Variants in PLA2G4C observed in about 807,000 individuals in gnomAD.
The protein encoded by PLA2G4C is cytosolic phospholipase A2 gamma.
Under a neutral mutation model 73.8 loss-of-function variants are expected in PLA2G4C, and 64 were observed. The observed-to-expected ratio is 0.87, with a 90% CI of 0.71 to 1.07. The LOEUF is 1.07. Among genes scored for constraint, PLA2G4C ranks in the 50% least tolerant of loss-of-function variants. PLA2G4C has a pLI of 0.00. For missense variants in PLA2G4C, 622 were observed against 665.4 expected, an observed-to-expected ratio of 0.93 and a Z score of 0.72; for synonymous variants, 254 against 252.1, an observed-to-expected ratio of 1.01 and a Z score of -0.07.
At chr19:48,067,946 C>G in intron 12 of PLA2G4C, 60 bp from the exon 13 acceptor site, 2 of 1,166,816 alleles carry the variant, frequency 1.7e-6, no homozygotes, top group Non-Finnish European at 2.6e-6. Context: ...TTTCTGCCCC[C>G]ACCAAAGTCA....
rs1276305876 is a variant in PLA2G4C at position 48,067,823 on chromosome 19, C to T, written c.1070G>A (p.Trp357Ter). 6.2e-7 allele frequency: 1 copy of T among 1,612,710 alleles called. No homozygotes were observed. The highest frequency in any genetic ancestry group is 8.5e-7 in the Non-Finnish European group (1 of 1,178,698). ...GTACAGGAAGTTGTGAGTGGTCCCC[C>T]ATTCCCACTTTGAAGCGCAAATGCC... ...KTGICASKWEWGTTHNFLYKH... is the reference protein window; with the variant it reads ...KTGICASKWE The change falls in exon 13 of 17, where the codon TGG becomes TAG. Residue 357 changes from tryptophan (W) to a stop codon, truncating the protein, a stop_gained. Transcript: ENST00000599921. LOFTEE classifies it high-confidence loss of function.
intron 13 of PLA2G4C, chr19:48,063,853 G>A (rs1204724077): frequency 6.6e-6 from 1 of 151,680 alleles, no homozygotes; most frequent in Non-Finnish European, 1.5e-5. Flanking sequence ...GCCTTCATCA[G>A]TTACTGGAAA....
In PLA2G4C at chr19:48,053,362, T is replaced by TC. The variant is rs1328110314; in HGVS notation, c.1430-216_1430-215insG. 1.3e-3 allele frequency among the ~76,000 whole-genome samples: 173 copies of TC among 133,174 alleles called. 2 individuals are homozygous for TC. The highest frequency in any genetic ancestry group is 4.5e-3 in the African/African-American group (164 of 36,070). 87.4% of individuals were successfully genotyped at this position (133,174 alleles called of 152,430 possible). A position where few individuals can be genotyped will look rare whatever the true frequency, so the allele number is the denominator to read the frequency against. ...GATCCATGCCCCTTCCGGTCCTTTT[T>TC]TCTTTTTTTTTTTTTTTTTTTTTTG... On this transcript the variant is annotated intron_variant, in intron 15 of 16. Coordinates refer to ENST00000599921, the MANE Select transcript of PLA2G4C (RefSeq NM_003706.3).
intron 10 of PLA2G4C, among the ~76,000 whole-genome samples, chr19:48,082,469 CT>C (rs911990710): frequency 5.1e-5 from 7 of 137,144 alleles, no homozygotes; most frequent in African/African-American, 1.6e-4. Context: ...ATTTTGTCTG[CT>C]TTTTTTTCTT....
chr19:48,077,909 T>C, intron 10 of PLA2G4C, 85 bp from the exon 11 acceptor site: 2 of 1,107,280 alleles, frequency 1.8e-6, no homozygotes, highest in East Asian at 5.4e-5. Context: ...CGACGTCTCT[T>C]TAATAGAAAT....
At position 48,095,581 on chromosome 19, in the gene PLA2G4C, G is replaced by A. The variant is rs1241088630; in HGVS notation, c.592C>T (p.His198Tyr). 1.9e-6 allele frequency: 3 copies of A among 1,614,018 alleles called. No homozygotes were observed. Among genetic ancestry groups the A allele is most frequent in the Admixed American group, 1.7e-5 (1 of 60,002 alleles). Residue 198 changes from histidine to tyrosine, a missense_variant, in exon 7 of 17, where the codon CAC (histidine) becomes TAC (tyrosine). Physicochemically the swap from His to Tyr is moderately conservative, Grantham distance 83. Coordinates refer to ENST00000599921, the MANE Select transcript of PLA2G4C (RefSeq NM_003706.3). ...CCCAGTGCAGAGAAGCCAGCGTGGT[G>A]AGGGGTGAACTCGAACCAGGTCTCT... The part of the protein sequence containing the change: ...APETWFEFTP[H>Y]HAGFSALGAF...
intron 16 of PLA2G4C, 110 bp downstream of exon 16, chr19:48,052,887 G>T: frequency 8.6e-7 from 1 of 1,162,994 alleles, no homozygotes; most frequent in Non-Finnish European, 1.2e-6. Flanking sequence ...GGGAGACACT[G>T]CCTATCTTTT....
At chr19:48,053,271 A>G (rs904062008) in intron 15 of PLA2G4C, 124 bp from the exon 16 acceptor site, 5 of 567,220 alleles carry the variant, frequency 8.8e-6, no homozygotes, top group Non-Finnish European at 1.5e-5. Flanking sequence ...CAGTCGGCCC[A>G]CTACTTTGGC....
Position 48,067,778 on chromosome 19 carries a change from A to AG in PLA2G4C, c.1102+12dup, listed in dbSNP as rs1968494465. The AG allele has an allele frequency of 6.4e-7, 1 of 1,561,110 alleles. No individual in the cohort carries two copies. Among genetic ancestry groups the AG allele is most frequent in the Non-Finnish European group, 8.8e-7 (1 of 1,132,026 alleles). ...AAGGACAGACCAGGGCGGTGGGAAGAGGGTCTTCTCACCGTGTTTGTACAG... is the reference window on the plus strand; with the variant it reads ...AAGGACAGACCAGGGCGGTGGGAAGAGGGGTCTTCTCACCGTGTTTGTACAG... On this transcript the variant is annotated intron_variant, in intron 13 of 16. Coordinates refer to ENST00000599921, the MANE Select transcript of PLA2G4C (RefSeq NM_003706.3).
At chr19:48,060,645 G>A (rs1215660878) in intron 14 of PLA2G4C, among the ~76,000 whole-genome samples, 1 of 152,134 alleles carries the variant, frequency 6.6e-6, no homozygotes, top group Non-Finnish European at 1.5e-5. Flanking sequence ...ATGCAGCAGA[G>A]ATTTGGCAGA....
At chr19:48,058,881 C>A (rs1600157590) in intron 14 of PLA2G4C, among the ~76,000 whole-genome samples, 1 of 151,522 alleles carries the variant, frequency 6.6e-6, no homozygotes, top group Non-Finnish European at 1.5e-5. Flanking sequence ...TCCTTATAAG[C>A]CCCATCATGG....
At position 48,098,272 on chromosome 19, in the gene PLA2G4C, G is replaced by A. The variant is rs768453850; in HGVS notation, c.448-13C>T. 3 of 1,604,004 alleles carry A rather than the reference G, an allele frequency of 1.9e-6. No individual in the cohort carries two copies. The highest frequency in any genetic ancestry group is 2.2e-5 in the South Asian group (2 of 89,692). ...GAGACTCCGGCAGCTTTGGGAGAAG[G>A]TGCCAAGACAGTGTGAGGGAGGCAT... On this transcript the variant is annotated splice_polypyrimidine_tract_variant and intron_variant, in intron 5 of 16. Coordinates refer to ENST00000599921, the MANE Select transcript of PLA2G4C (RefSeq NM_003706.3).
chr19:48,082,989 A>AT (rs529396973), intron 10 of PLA2G4C, among the ~76,000 whole-genome samples: 1 of 149,554 alleles, frequency 6.7e-6, no homozygotes, highest in Non-Finnish European at 1.5e-5. Flanking sequence ...AATTTTTTGT[A>AT]TTTTTTAGTA....
intron 11 of PLA2G4C, among the ~76,000 whole-genome samples, chr19:48,076,753 AAAG>A (rs1045910667): frequency 3.9e-5 from 6 of 151,980 alleles, no homozygotes; most frequent in African/African-American, 1.5e-4. Context: ...CAAAAAAAAA[AAAG>A]AAAAAAGAAA....
intron 4 of PLA2G4C, chr19:48,103,991 C>T (rs1227189230): frequency 6.6e-6 from 1 of 152,256 alleles, no homozygotes; most frequent in Middle Eastern, 3.2e-3. Context: ...GCAGCCTCAG[C>T]CTCCCAGGCT....
At chr19:48,102,469 C>T (rs146434447) in intron 4 of PLA2G4C, among the ~76,000 whole-genome samples, 21 of 151,068 alleles carry the variant, frequency 1.4e-4, no homozygotes, top group Non-Finnish European at 2.7e-4. Context: ...CCAGCCTGGG[C>T]GACAAGAGCA....
intron 7 of PLA2G4C, among the ~76,000 whole-genome samples, chr19:48,093,175 G>A (rs1365309681): frequency 6.6e-6 from 1 of 152,042 alleles, no homozygotes; most frequent in African/African-American, 2.4e-5. Flanking sequence ...AGAGAAAAGG[G>A]GAAGATCCCC....
At position 48,110,737 on chromosome 19, in the gene PLA2G4C, T is replaced by C. The variant is rs561758339; in HGVS notation, c.-283A>G. On this transcript the variant is annotated 5_prime_UTR_variant, in exon 1 of 17. Transcript: ENST00000599921. ...CTCCTGGTCCTGAGCAGGGCCAACC[T>C]GGAGGTAAAATGGCCCCTGCGCCTT... 192 of 417,784 alleles carry C rather than the reference T, an allele frequency of 4.6e-4. 1 individual carries two copies. The African/African-American group carries it at 4.8e-3, about 10-fold the overall frequency. 25.9% of individuals were successfully genotyped at this position (417,784 alleles called of 1,614,324 possible).
Position 48,099,871 on chromosome 19 carries a change from G to C in PLA2G4C, c.258-11C>G, listed in dbSNP as rs1706693407. On this transcript the variant is annotated splice_polypyrimidine_tract_variant and intron_variant, in intron 4 of 16. Transcript: ENST00000599921. ...AGAGAAGATATTGCCCTGGAGGACA[G>C]AGGAAGAGAGTGAGTTGGGCATTTT... 1.9e-6 allele frequency: 3 copies of C among 1,596,134 alleles called. No homozygotes were observed. Among genetic ancestry groups the C allele is most frequent in the African/African-American group, 2.7e-5 (2 of 74,584 alleles).
Sources: gnomAD v4.1 joint callset for allele counts (sites outside exome capture counted in the v4.1 genomes callset) on GRCh38, gnomAD v4.1.1 for gene constraint, MANE v1.5 for transcripts, NCBI Gene and HGNC (gene_info 2026-07-23, HGNC 2026-07-21) for gene names.